Variants in DEK observed in about 807,000 individuals in gnomAD.
The protein encoded by DEK is protein DEK.
Under a neutral mutation model 46.8 loss-of-function variants are expected in DEK, and 28 were observed. The observed-to-expected ratio is 0.60, with a 90% CI of 0.44 to 0.82. The LOEUF is 0.82. Among genes scored for constraint, DEK ranks in the 40% least tolerant of loss-of-function variants. DEK has a pLI of 0.00. For missense variants in DEK, 416 were observed against 430.6 expected (o/e 0.97, Z 0.30); for synonymous variants, 160 against 144.5 (o/e 1.11, Z -0.77).
intron 7 of DEK, among the ~76,000 whole-genome samples, chr6:18,248,343 A>G (rs1307308602): frequency 6.6e-6 from 1 of 152,214 alleles, no homozygotes; most frequent in African/African-American, 2.4e-5. Context: ...AACTCTGCCC[A>G]TAAAGAGAGT....
At chr6:18,256,280 C>A in intron 5 of DEK, 81 bp downstream of exon 5, 2 of 1,261,398 alleles carry the variant, frequency 1.6e-6, no homozygotes, top group Non-Finnish European at 2.2e-6. Flanking sequence ...AGCCACTGTG[C>A]CTGGCCCGAA....
intron 3 of DEK, 93 bp downstream of exon 3, chr6:18,258,211 A>C: frequency 8.4e-7 from 1 of 1,191,970 alleles, no homozygotes; most frequent in Non-Finnish European, 1.2e-6. Flanking sequence ...AAAAGTATAA[A>C]ACACTACCTT....
At chr6:18,257,219 C>G (rs1791635275) in intron 4 of DEK, among the ~76,000 whole-genome samples, 1 of 152,166 alleles carries the variant, frequency 6.6e-6, no homozygotes, top group South Asian at 2.1e-4. Flanking sequence ...AATGATTTTG[C>G]CTCTTATTTG....
chr6:18,245,102 C>G lies in DEK; in HGVS notation c.762+4549G>C, dbSNP rs190677789. ...CTCTTGCAGTTAGGTGGGCAGACAA[C>G]AAAGTGCTGGCTGATGCCATGTATA... is the stretch of plus-strand genomic sequence containing the variant. On this transcript the variant is annotated intron_variant, in intron 7 of 10. Coordinates refer to ENST00000652689, the MANE Select transcript of DEK (RefSeq NM_003472.4). 3.3e-5 allele frequency among the ~76,000 whole-genome samples: 5 copies of G among 152,320 alleles called. No individual in the cohort carries two copies. In the East Asian group the frequency reaches 9.6e-4, roughly 29 times the overall value.
At chr6:18,250,118 G>C (rs1185155817) in intron 6 of DEK, among the ~76,000 whole-genome samples, 1 of 152,142 alleles carries the variant, frequency 6.6e-6, no homozygotes, top group Non-Finnish European at 1.5e-5. Context: ...GACACATTAT[G>C]TTAAGCTCCA....
chr6:18,261,997 G>A lies in DEK; in HGVS notation c.145+1846C>T, dbSNP rs912502064. On this transcript the variant is annotated intron_variant, in intron 2 of 10. Coordinates refer to ENST00000652689, the MANE Select transcript of DEK (RefSeq NM_003472.4). ...TGCTGGAGGTGAGGCCTGGTAAGGT[G>A]ATTAAATCATGGGGGCAGATCCCTC... 5.3e-5 allele frequency among the ~76,000 whole-genome samples: 8 copies of A among 152,168 alleles called. 1 individual carries two copies. The highest frequency in any genetic ancestry group is 4.1e-4 in the South Asian group (2 of 4,834).
At chr6:18,229,688 A>G (rs1311064273) in intron 9 of DEK, among the ~76,000 whole-genome samples, 1 of 152,204 alleles carries the variant, frequency 6.6e-6, no homozygotes, top group Non-Finnish European at 1.5e-5. Context: ...AAAAAGAGTA[A>G]AAAGAAACAA....
chr6:18,258,452 T>C, intron 2 of DEK, 47 bp from the exon 3 acceptor site: 2 of 1,425,896 alleles, frequency 1.4e-6, no homozygotes, highest in Non-Finnish European at 2.0e-6. Context: ...GCTTAAACAT[T>C]GTATTAACTT....
intron 10 of DEK, 71 bp downstream of exon 10, chr6:18,226,103 T>C (rs773878965): frequency 1.4e-5 from 16 of 1,137,174 alleles, no homozygotes; most frequent in South Asian, 9.8e-5. Context: ...TTTTGAAAAA[T>C]ATGGAGTATT....
intron 6 of DEK, 43 bp downstream of exon 6, chr6:18,255,688 T>A: frequency 3.8e-6 from 6 of 1,573,918 alleles, no homozygotes; most frequent in Non-Finnish European, 5.1e-6. Flanking sequence ...ATAAAGAGGC[T>A]ATGAATAACT....
intron 9 of DEK, among the ~76,000 whole-genome samples, chr6:18,233,886 C>G (rs1790524957): frequency 6.6e-6 from 1 of 152,302 alleles, no homozygotes. Context: ...ACTATAAAGA[C>G]ACATGCACAT....
intron 1 of DEK, 86 bp from the exon 2 acceptor site, chr6:18,264,082 C>G: frequency 8.0e-7 from 1 of 1,247,374 alleles, no homozygotes; most frequent in Admixed American, 3.1e-5. Context: ...TGCTACCCTT[C>G]CCGCGGGACA....
chr6:18,251,490 A>G (rs1166225038), intron 6 of DEK, among the ~76,000 whole-genome samples: 1 of 152,178 alleles, frequency 6.6e-6, no homozygotes, highest in Non-Finnish European at 1.5e-5. Flanking sequence ...CCAACAACGT[A>G]CCCTTCTAAA....
In DEK at chr6:18,228,450, C is replaced by A. The variant is rs745993053; in HGVS notation, c.1048-2208G>T. On this transcript the variant is annotated intron_variant, in intron 9 of 10. Coordinates refer to ENST00000652689, the MANE Select transcript of DEK (RefSeq NM_003472.4). The stretch of plus-strand genomic sequence containing the variant: ...AGTCTACAGCTCCCACCGTGAGCGA[C>A]GCAGAAGACGGGTGATTTCTGCATT... Among the ~76,000 whole-genome samples, 42 of 152,034 alleles carry A rather than the reference C, an allele frequency of 2.8e-4. 1 individual carries two copies. Among genetic ancestry groups the A allele is most frequent in the Middle Eastern group, 6.8e-3 (2 of 294 alleles).
At chr6:18,261,309 A>C (rs1362435403) in intron 2 of DEK, among the ~76,000 whole-genome samples, 1 of 152,228 alleles carries the variant, frequency 6.6e-6, no homozygotes, top group Admixed American at 6.5e-5. Flanking sequence ...GCAGTGGCTT[A>C]CGTCTGTAAT....
At chr6:18,225,920 T>C (rs1479999552) in intron 10 of DEK, 190 bp from the exon 11 acceptor site, 4 of 727,498 alleles carry the variant, frequency 5.5e-6, no homozygotes, top group Non-Finnish European at 8.8e-6. Context: ...AGAGCAACGT[T>C]GAGATGCCCA....
intron 7 of DEK, among the ~76,000 whole-genome samples, chr6:18,247,412 C>T (rs1791168945): frequency 6.6e-6 from 1 of 152,106 alleles, no homozygotes; most frequent in South Asian, 2.1e-4. Flanking sequence ...TTTCATACAC[C>T]TAATGTCTGA....
intron 9 of DEK, among the ~76,000 whole-genome samples, chr6:18,228,865 A>T (rs1790264088): frequency 2.6e-5 from 4 of 152,232 alleles, no homozygotes; most frequent in Admixed American, 2.0e-4. Flanking sequence ...TTGTAAACAA[A>T]GCTGCGAGGA....
At chr6:18,245,548 GA>G (rs1791076880) in intron 7 of DEK, among the ~76,000 whole-genome samples, 1 of 151,256 alleles carries the variant, frequency 6.6e-6, no homozygotes, top group East Asian at 1.9e-4. Flanking sequence ...AAAAACACTA[GA>G]AAATAAAAAT....
Sources: gnomAD v4.1 joint callset for allele counts (sites outside exome capture counted in the v4.1 genomes callset) on GRCh38, gnomAD v4.1.1 for gene constraint, MANE v1.5 for transcripts, NCBI Gene and HGNC (gene_info 2026-07-23, HGNC 2026-07-21) for gene names.